The following MACF1 variants were observed in gnomAD, a reference collection of about 807,000 sequenced individuals.
MACF1 encodes the protein microtubule actin crosslinking factor 1, also known as microtubule-actin cross-linking factor 1.
In MACF1, 193 loss-of-function variants were observed where a neutral mutation model predicts 854.8. The observed-to-expected ratio is 0.23, with a 90% CI of 0.20 to 0.25. The LOEUF (loss-of-function observed/expected upper bound fraction) is 0.25, where lower values mean the gene tolerates loss of function less well. MACF1 is among the 10% of genes least tolerant of loss of function. The pLI is 1.00. For missense variants in MACF1, 7,722 were observed against 8,929.1 expected (o/e 0.86, Z 5.45); for synonymous variants, 3,185 against 3,226.7 (o/e 0.99, Z 0.44).
intron 80 of MACF1, among the ~76,000 whole-genome samples, chr1:39,446,354 A>T (rs1181530985): frequency 6.6e-6 from 1 of 151,834 alleles, no homozygotes; most frequent in African/African-American, 2.4e-5. Flanking sequence ...GGATAGAATG[A>T]TGTGGAAAGA....
Position 39,333,056 on chromosome 1 carries a change from A to G in MACF1, c.6468A>G (p.Pro2156=). 2 of 1,614,086 alleles carry G rather than the reference A, an allele frequency of 1.2e-6. No homozygotes were observed. Among genetic ancestry groups the G allele is most frequent in the Non-Finnish European group, 1.7e-6 (2 of 1,180,028 alleles). The part of the protein sequence containing the change: ...VDKDVFSVET[P]KKEHQPLRNT... ...AAGATGTTTTTTCTGTTGAAACACC[A>G]AAGAAAGAACATCAACCTCTAAGAA... Residue 2156 remains proline (P), a synonymous_variant, in exon 37 of 101, where the codon CCA becomes CCG. Coordinates refer to ENST00000564288, the MANE Select transcript of MACF1 (RefSeq NM_001394062.1).
intron 37 of MACF1, 134 bp downstream of exon 37, chr1:39,336,787 A>G: frequency 9.4e-6 from 8 of 852,188 alleles, no homozygotes; most frequent in Non-Finnish European, 1.4e-5. Flanking sequence ...ATGATTCTCT[A>G]AGATATAACT....
intron 2 of MACF1, among the ~76,000 whole-genome samples, chr1:39,183,219 ATTGATATAGGGTT>A (rs1644126453): frequency 6.6e-6 from 1 of 152,204 alleles, no homozygotes; most frequent in South Asian, 2.1e-4. Context: ...GTGACTGCTA[ATTGATATAGGGTT>A]TCTTCAGGGG....
At chr1:39,355,460 C>CTTTTTT (rs56202498) in intron 44 of MACF1, among the ~76,000 whole-genome samples, 186 of 81,064 alleles carry the variant, frequency 2.3e-3, no homozygotes, top group Non-Finnish European at 3.1e-3. Flanking sequence ...TTTTCTTCTG[C>CTTTTTT]TTTTTTTTTT....
intron 40 of MACF1, among the ~76,000 whole-genome samples, chr1:39,341,674 G>GACTTC: frequency 6.6e-6 from 1 of 151,676 alleles, no homozygotes; most frequent in Non-Finnish European, 1.5e-5. Flanking sequence ...CTCCAGCTTG[G>GACTTC]GCAACAAGAA....
chr1:39,251,583 C>T (rs991469275), intron 3 of MACF1, among the ~76,000 whole-genome samples: 6 of 152,148 alleles, frequency 3.9e-5, no homozygotes, highest in African/African-American at 7.2e-5. Context: ...GTTATTCTCA[C>T]CATGTTTTTT....
At chr1:39,288,029 A>G (rs1645679831) in intron 15 of MACF1, among the ~76,000 whole-genome samples, 1 of 152,208 alleles carries the variant, frequency 6.6e-6, no homozygotes. Flanking sequence ...TTTAATTAAA[A>G]AAATTTTTTG....
At chr1:39,310,455 G>A in intron 25 of MACF1, 27 bp downstream of exon 25, 1 of 1,598,100 alleles carries the variant, frequency 6.3e-7, no homozygotes, top group Non-Finnish European at 8.5e-7. Flanking sequence ...GAGGGAAAGA[G>A]AATAGTAGAA....
chr1:39,305,935 A>G (rs1646165058), intron 23 of MACF1, among the ~76,000 whole-genome samples: 1 of 151,892 alleles, frequency 6.6e-6, no homozygotes. Context: ...TTCTTTACTC[A>G]TTTTATTTTT....
At chr1:39,293,924 C>T (rs1038764965) in intron 18 of MACF1, among the ~76,000 whole-genome samples, 4 of 151,964 alleles carry the variant, frequency 2.6e-5, no homozygotes, top group African/African-American at 9.7e-5. Context: ...CTTTGGAGTG[C>T]CTAAGTTCAA....
chr1:39,364,317 T>C (rs1311208544), intron 49 of MACF1, among the ~76,000 whole-genome samples: 1 of 152,140 alleles, frequency 6.6e-6, no homozygotes, highest in Non-Finnish European at 1.5e-5. Context: ...GAACTATCTG[T>C]TCATGTATTT....
At chr1:39,227,335 T>A (rs1264726092) in intron 1 of MACF1, among the ~76,000 whole-genome samples, 1 of 152,182 alleles carries the variant, frequency 6.6e-6, no homozygotes, top group Non-Finnish European at 1.5e-5. Flanking sequence ...CGCTCTCCGG[T>A]GGTTTTATGT....
intron 1 of MACF1, among the ~76,000 whole-genome samples, chr1:39,224,859 G>A (rs1317219661): frequency 6.6e-6 from 1 of 152,112 alleles, no homozygotes. Flanking sequence ...CCTTGTTGAC[G>A]AAGATCAGTA....
chr1:39,142,949 C>G (rs1480397001), intron 2 of MACF1, among the ~76,000 whole-genome samples: 1 of 152,202 alleles, frequency 6.6e-6, no homozygotes, highest in Non-Finnish European at 1.5e-5. Flanking sequence ...GCTTGTTCCA[C>G]AAGGCGCTGA....
intron 92 of MACF1, among the ~76,000 whole-genome samples, chr1:39,461,617 C>G (rs950101291): frequency 6.6e-6 from 1 of 151,804 alleles, no homozygotes; most frequent in Admixed American, 6.6e-5. Flanking sequence ...GGCAAAACCT[C>G]GTCTCTACTA....
chr1:39,410,804 G>C, intron 58 of MACF1: 1 of 1,613,962 alleles, frequency 6.2e-7, no homozygotes, highest in Non-Finnish European at 8.5e-7. Flanking sequence ...GAAAGTTCTG[G>C]TCATTTGGAC....
intron 6 of MACF1, among the ~76,000 whole-genome samples, chr1:39,276,231 C>T (rs1645434210): frequency 6.6e-6 from 1 of 152,046 alleles, no homozygotes; most frequent in Admixed American, 6.5e-5. Context: ...TCATTTGCTT[C>T]TTGAAAGTTT....
At chr1:39,444,057 C>T (rs1428819028) in intron 79 of MACF1, among the ~76,000 whole-genome samples, 1 of 152,108 alleles carries the variant, frequency 6.6e-6, no homozygotes, top group Non-Finnish European at 1.5e-5. Flanking sequence ...TTTTCTTGGC[C>T]GAGCGCAGTG....
intron 40 of MACF1, among the ~76,000 whole-genome samples, chr1:39,344,796 G>T (rs1647010195): frequency 6.6e-6 from 1 of 152,124 alleles, no homozygotes; most frequent in African/African-American, 2.4e-5. Flanking sequence ...GAGCCCACTC[G>T]CCCAGCTCCT....
Sources: gnomAD v4.1 joint callset for allele counts (sites outside exome capture counted in the v4.1 genomes callset) on GRCh38, gnomAD v4.1.1 for gene constraint, MANE v1.5 for transcripts, NCBI Gene and HGNC (gene_info 2026-07-23, HGNC 2026-07-21) for gene names.